Variants in SPSB1 observed in about 807,000 individuals in gnomAD.
The protein encoded by SPSB1 is splA/ryanodine receptor domain and SOCS box containing 1, also known as SPRY domain-containing SOCS box protein 1.
In SPSB1, 8 loss-of-function variants were observed where a neutral mutation model predicts 21.2. That is an observed-to-expected ratio of 0.38 (90% CI 0.22 to 0.68). The LOEUF (loss-of-function observed/expected upper bound fraction) is 0.68. Among genes scored for constraint, SPSB1 ranks in the 30% least tolerant of loss-of-function variants. SPSB1 has a pLI of 0.53. For synonymous variants in SPSB1, 169 were observed against 161.7 expected (o/e 1.05, Z -0.34); for missense variants, 242 against 377.8 (o/e 0.64, Z 2.98).
rs556699877 is a variant in SPSB1 at position 9,354,911 on chromosome 1, G to C, written c.-149-832G>C. On this transcript the variant is annotated intron_variant, in intron 1 of 2. Coordinates refer to ENST00000328089, the MANE Select transcript of SPSB1 (RefSeq NM_025106.4). ...CCTGTTCTCCCTCCTGAAGGACCCA[G>C]GGGATGGTGAGGCCAGAGAGGGAAC... Among the ~76,000 whole-genome samples the C allele has an allele frequency of 2.0e-5, 3 of 152,314 alleles. No individual in the cohort carries two copies. The South Asian group carries it at 6.2e-4, about 32-fold the overall frequency.
intron 1 of SPSB1, among the ~76,000 whole-genome samples, chr1:9,334,418 G>A (rs1324519032): frequency 3.3e-5 from 5 of 151,288 alleles, no homozygotes; most frequent in East Asian, 1.9e-4. Flanking sequence ...ACAGGGTTTC[G>A]CCATGTTGAC....
chr1:9,357,878 C>T (rs894905978), intron 2 of SPSB1, among the ~76,000 whole-genome samples: 12 of 152,178 alleles, frequency 7.9e-5, no homozygotes, highest in Non-Finnish European at 2.9e-5. Flanking sequence ...TGCATGAGTC[C>T]CTTCTACCGC....
At chr1:9,339,180 C>G in intron 1 of SPSB1, 2 of 978,630 alleles carry the variant, frequency 2.0e-6, no homozygotes, top group Non-Finnish European at 1.2e-6. Context: ...TGTCATTCTC[C>G]CCCCAGCGGT....
intron 1 of SPSB1, among the ~76,000 whole-genome samples, chr1:9,304,125 C>T (rs1472718002): frequency 2.0e-5 from 3 of 152,300 alleles, no homozygotes; most frequent in East Asian, 1.9e-4. Flanking sequence ...CTCTCTGTCC[C>T]GGAGCTGGGA....
intron 2 of SPSB1, among the ~76,000 whole-genome samples, chr1:9,365,985 C>G (rs76120085): frequency 0.012 from 1,780 of 152,358 alleles, 28 homozygotes; most frequent in African/African-American, 0.039. Context: ...GGCCGCGCAG[C>G]CTTCCAACGC....
Position 9,367,489 on chromosome 1 carries a change from C to T in SPSB1, c.736C>T (p.Arg246Cys), listed in dbSNP as rs1320925992. The change falls in exon 3 of 3, where the codon CGC (arginine) becomes TGC (cysteine). Residue 246 changes from arginine to cysteine, a missense_variant. Coordinates refer to ENST00000328089, the MANE Select transcript of SPSB1 (RefSeq NM_025106.4). The surrounding 1 kb of genome is among the most constrained non-coding windows in gnomAD (Gnocchi z 5.9). ...CATGGATTTGTGCCGTCGCTCGGTG[C>T]GCCTGGCCCTGGGGAGGGAGCGCCT... The part of the protein sequence containing the change: ...PLMDLCRRSV[R>C]LALGRERLGE... 2.5e-6 allele frequency: 4 copies of T among 1,613,676 alleles called. No homozygotes were observed. Among genetic ancestry groups the T allele is most frequent in the South Asian group, 1.1e-5 (1 of 91,084 alleles).
At chr1:9,339,721 C>CT (rs1295354544) in intron 1 of SPSB1, among the ~76,000 whole-genome samples, 2 of 152,144 alleles carry the variant, frequency 1.3e-5, no homozygotes, top group African/African-American at 4.8e-5. Flanking sequence ...GCCCTGACCT[C>CT]TGTCTTCCCA....
Position 9,356,080 on chromosome 1 carries a change from C to T in SPSB1, c.189C>T (p.Leu63=), listed in dbSNP as rs759099730. The change falls in exon 2 of 3, where the codon CTC becomes CTT. Residue 63 remains leucine, a synonymous_variant. Transcript: ENST00000328089. The surrounding 1 kb of genome is among the most constrained non-coding windows in gnomAD (Gnocchi z 7.4). ...CATGGAACAACAACGACCGATCGCTCAATGTCTTTGTGAAGGAGGACGACA... is the reference window on the plus strand; with the variant it reads ...CATGGAACAACAACGACCGATCGCTTAATGTCTTTGTGAAGGAGGACGACA... The part of the protein sequence containing the change: ...LHSWNNNDRS[L]NVFVKEDDKL... The T allele has an allele frequency of 6.2e-7, 1 of 1,612,010 alleles. No homozygotes were observed. The highest frequency in any genetic ancestry group is 1.1e-5 in the South Asian group (1 of 90,946).
At chr1:9,351,097 A>G (rs1450355477) in intron 1 of SPSB1, among the ~76,000 whole-genome samples, 1 of 152,238 alleles carries the variant, frequency 6.6e-6, no homozygotes, top group Non-Finnish European at 1.5e-5. Context: ...GGCAAACAAC[A>G]GCTCCTGGGC....
At chr1:9,325,224 CA>C (rs1170127854) in intron 1 of SPSB1, among the ~76,000 whole-genome samples, 1,810 of 140,980 alleles carry the variant, frequency 0.013, 66 homozygotes, top group African/African-American at 0.048. Context: ...CTCCCACCAC[CA>C]CCCCCCCCCC....
chr1:9,330,205 C>G (rs962821028), intron 1 of SPSB1, among the ~76,000 whole-genome samples: 2 of 152,200 alleles, frequency 1.3e-5, no homozygotes, highest in African/African-American at 4.8e-5. Context: ...CGGTGGCTCA[C>G]GCCTGTAATC....
chr1:9,312,619 A>G (rs918217304), intron 1 of SPSB1, among the ~76,000 whole-genome samples: 17 of 152,156 alleles, frequency 1.1e-4, no homozygotes, highest in Non-Finnish European at 2.2e-4. Flanking sequence ...ATGGTAACAC[A>G]GTCAGGTGCC....
chr1:9,365,154 G>A (rs1459449109), intron 2 of SPSB1, among the ~76,000 whole-genome samples: 1 of 151,598 alleles, frequency 6.6e-6, no homozygotes, highest in Non-Finnish European at 1.5e-5. Flanking sequence ...ACCACACCTG[G>A]CCTGTTTTCA....
chr1:9,352,689 A>G (rs1321916454), intron 1 of SPSB1, among the ~76,000 whole-genome samples: 1 of 119,798 alleles, frequency 8.3e-6, no homozygotes, highest in African/African-American at 3.2e-5. Context: ...TCCCTGTCTC[A>G]CCCCACTTCA....
intron 1 of SPSB1, among the ~76,000 whole-genome samples, chr1:9,334,351 G>T (rs1464038788): frequency 6.6e-6 from 1 of 152,196 alleles, no homozygotes; most frequent in Non-Finnish European, 1.5e-5. Context: ...CTGTCAAAGT[G>T]CTGGGATTAC....
intron 2 of SPSB1, among the ~76,000 whole-genome samples, chr1:9,358,047 C>T (rs1292334834): frequency 1.3e-5 from 2 of 152,154 alleles, no homozygotes; most frequent in Non-Finnish European, 2.9e-5. Flanking sequence ...CACCAGAGGT[C>T]AGGAATACAG....
intron 1 of SPSB1, among the ~76,000 whole-genome samples, chr1:9,300,180 C>T (rs1007957130): frequency 2.0e-5 from 3 of 152,106 alleles, no homozygotes; most frequent in Admixed American, 6.5e-5. Flanking sequence ...TGAAGGTATC[C>T]CCTCTAAGGT....
intron 1 of SPSB1, among the ~76,000 whole-genome samples, chr1:9,343,990 G>A (rs201449650): frequency 1.9e-4 from 29 of 152,190 alleles, no homozygotes; most frequent in South Asian, 1.5e-3. Context: ...GGGTTTCACC[G>A]TGTTAGCCAG....
intron 1 of SPSB1, among the ~76,000 whole-genome samples, chr1:9,354,294 ACT>A (rs1640324921): frequency 6.6e-6 from 1 of 151,714 alleles, no homozygotes; most frequent in East Asian, 1.9e-4. Flanking sequence ...ACCCAGCGTG[ACT>A]CTCTCCCGGC....
Sources: allele counts gnomAD v4.1 joint callset (sites outside exome capture counted in the v4.1 genomes callset), GRCh38; gene constraint gnomAD v4.1.1; non-coding constraint Gnocchi (gnomAD v3.1); transcripts MANE v1.5; gene names NCBI Gene and HGNC (gene_info 2026-07-23, HGNC 2026-07-21).